The following CLRN3 variants were observed in gnomAD, a reference collection of about 807,000 sequenced individuals.
The protein encoded by CLRN3 is clarin-3.
CLRN3 carries 12 observed loss-of-function variants against 16.7 expected under a neutral mutation model. The ratio of observed to expected loss-of-function variants is 0.72; its 90% CI spans 0.46 to 1.16. The LOEUF (loss-of-function observed/expected upper bound fraction) is 1.16, where lower values mean the gene tolerates loss of function less well. Ranked by LOEUF, CLRN3 falls within the 50% of genes most tolerant of loss-of-function variation. The probability of loss-of-function intolerance (pLI) is 0.00; values close to 1 mark genes in which losing one functional copy is unlikely to be tolerated. For missense variants in CLRN3, 296 were observed against 274.2 expected (o/e 1.08, Z -0.56); for synonymous variants, 118 against 113.0 (o/e 1.04, Z -0.28).
Position 127,883,792 on chromosome 10 carries a change from G to A in CLRN3, c.313C>T (p.Leu105=). 1 of 1,614,144 alleles carries A rather than the reference G, an allele frequency of 6.2e-7. No homozygotes were observed. The highest frequency in any genetic ancestry group is 8.5e-7 in the Non-Finnish European group (1 of 1,179,966). The change falls in exon 2 of 3, where the codon CTG becomes TTG. Residue 105 remains leucine, a synonymous_variant. Coordinates refer to ENST00000368671, the MANE Select transcript of CLRN3 (RefSeq NM_152311.5). ...TAGAAGGTAAACCCAGAGCTCAGCA[G>A]CGACGTGATCAAACTCAGGACCAGG... ...LFLVLSLITS[L]LSSGFTFYNS...
intron 1 of CLRN3, among the ~76,000 whole-genome samples, chr10:127,886,533 G>C (rs76478447): frequency 0.086 from 13,143 of 152,252 alleles, 658 homozygotes; most frequent in Admixed American, 0.16. Flanking sequence ...GGTAACCCAA[G>C]GGTTCTGGCT....
At chr10:127,884,438 G>A (rs1845168259) in intron 1 of CLRN3, among the ~76,000 whole-genome samples, 3 of 152,212 alleles carry the variant, frequency 2.0e-5, no homozygotes, top group Admixed American at 2.0e-4. Context: ...ATAAGAAAAT[G>A]ACTTCTGTTG....
At chr10:127,887,043 A>T (rs1407253641) in intron 1 of CLRN3, among the ~76,000 whole-genome samples, 2 of 152,098 alleles carry the variant, frequency 1.3e-5, no homozygotes, top group African/African-American at 4.8e-5. Context: ...CTCAGGTGAA[A>T]TTTCTTGCCT....
chr10:127,878,838 G>T (rs1262671329), intron 2 of CLRN3, among the ~76,000 whole-genome samples: 1 of 152,182 alleles, frequency 6.6e-6, no homozygotes, highest in East Asian at 1.9e-4. Flanking sequence ...AAAAGACCCT[G>T]GGTGGGCAGT....
intron 2 of CLRN3, 101 bp from the exon 3 acceptor site, chr10:127,878,521 C>T: frequency 6.7e-7 from 1 of 1,487,116 alleles, no homozygotes; most frequent in Non-Finnish European, 9.0e-7. Flanking sequence ...TGCATATCTA[C>T]ACAGGAGTTT....
chr10:127,883,732 C>T lies in CLRN3; in HGVS notation c.373G>A (p.Gly125Arg). The change falls in exon 2 of 3, where the codon GGG becomes AGG. Residue 125 changes from glycine to arginine, a missense_variant. Transcript: ENST00000368671. ...SISNPYQTFLGPTGVYTWNGL... is the reference protein window; with the variant it reads ...SISNPYQTFLRPTGVYTWNGL... ...TTCCAGGTGTACACCCCCGTCGGCC[C>T]CAGGAATGTCTGGTAAGGGTTGCTG... is the stretch of plus-strand genomic sequence containing the variant. 6.2e-7 allele frequency: 1 copy of T among 1,613,908 alleles called. No homozygotes were observed. The highest frequency in any genetic ancestry group is 8.5e-7 in the Non-Finnish European group (1 of 1,179,910).
intron 1 of CLRN3, among the ~76,000 whole-genome samples, chr10:127,889,978 C>G (rs946663768): frequency 4.6e-5 from 7 of 152,222 alleles, no homozygotes; most frequent in African/African-American, 1.7e-4. Flanking sequence ...TCCAACTGGG[C>G]TTTGCAGACA....
chr10:127,885,669 C>G (rs1408991492), intron 1 of CLRN3, among the ~76,000 whole-genome samples: 2 of 152,142 alleles, frequency 1.3e-5, no homozygotes, highest in Admixed American at 1.3e-4. Flanking sequence ...CTTGATCTCC[C>G]GAGTTCAAGC....
At position 127,879,936 on chromosome 10, in the gene CLRN3, C is replaced by T. The variant is rs80187374; in HGVS notation, c.410-1516G>A. On this transcript the variant is annotated intron_variant, in intron 2 of 2. Coordinates refer to ENST00000368671, the MANE Select transcript of CLRN3 (RefSeq NM_152311.5). ...GGAAGCCCTTTGAGACTCCGTCTGC[C>T]GCCATGTACCCGGAACTCAGTGGAC... Among the ~76,000 whole-genome samples, 519 of 152,220 alleles carry T rather than the reference C, an allele frequency of 3.4e-3. 4 individuals are homozygous for T. In the East Asian group the frequency reaches 0.047, roughly 14 times the overall value.
chr10:127,881,399 T>C (rs895601042), intron 2 of CLRN3, among the ~76,000 whole-genome samples: 2 of 152,192 alleles, frequency 1.3e-5, no homozygotes, highest in African/African-American at 4.8e-5. Context: ...AGCAGAGATA[T>C]GGAGCCACAG....
intron 1 of CLRN3, among the ~76,000 whole-genome samples, chr10:127,892,286 T>C (rs1845265901): frequency 6.6e-6 from 1 of 152,230 alleles, no homozygotes; most frequent in Admixed American, 6.5e-5. Flanking sequence ...TATTTTTACT[T>C]ATTTACTTGT....
Position 127,878,379 on chromosome 10 carries a change from T to A in CLRN3, c.451A>T (p.Thr151Ser), listed in dbSNP as rs543052720. The A allele has an allele frequency of 1.2e-6, 2 of 1,614,242 alleles. No individual in the cohort carries two copies. The highest frequency in any genetic ancestry group is 1.1e-5 in the South Asian group (1 of 91,086). The change falls in exon 3 of 3, where the codon ACG becomes TCG. Residue 151 changes from threonine to serine, a missense_variant. Coordinates refer to ENST00000368671, the MANE Select transcript of CLRN3 (RefSeq NM_152311.5). Reference protein sequence around the residue: ...FVTMILFVANTQSNQLSEELF... With the variant: ...FVTMILFVANSQSNQLSEELF... ...TCTTCGGAGAGTTGGTTGGACTGCG[T>A]GTTCGCCACAAACAGTATCATGGTC...
At chr10:127,881,866 A>G (rs1031602904) in intron 2 of CLRN3, among the ~76,000 whole-genome samples, 11 of 152,230 alleles carry the variant, frequency 7.2e-5, no homozygotes, top group Non-Finnish European at 1.6e-4. Context: ...TGAGGATTTC[A>G]ATAGATGGAG....
intron 1 of CLRN3, among the ~76,000 whole-genome samples, chr10:127,885,149 TC>T (rs1845178905): frequency 1.3e-5 from 2 of 152,152 alleles, no homozygotes; most frequent in Non-Finnish European, 2.9e-5. Flanking sequence ...GGGGTGGTAT[TC>T]CCTCAGCATA....
Position 127,878,435 on chromosome 10 carries a change from G to A in CLRN3, c.410-15C>T. On this transcript the variant is annotated splice_polypyrimidine_tract_variant and intron_variant, in intron 2 of 2. Coordinates refer to ENST00000368671, the MANE Select transcript of CLRN3 (RefSeq NM_152311.5). ...AACGAAGGATGCTGAAAGGAAGATG[G>A]AGTTTCATGCATGGCATGGTGATAC... The A allele has an allele frequency of 6.2e-7, 1 of 1,612,662 alleles. No homozygotes were observed. The highest frequency in any genetic ancestry group is 1.3e-5 in the African/African-American group (1 of 75,034).
At chr10:127,892,478 G>A in intron 1 of CLRN3, 78 bp downstream of exon 1, 2 of 838,510 alleles carry the variant, frequency 2.4e-6, no homozygotes, top group Non-Finnish European at 4.0e-6. Flanking sequence ...TTTTTGAATG[G>A]TTATTTGGCC....
rs78331816 is a variant in CLRN3 at position 127,883,725 on chromosome 10, G to C, written c.380C>G (p.Thr127Arg). Residue 127 changes from threonine (T) to arginine (R), a missense_variant, in exon 2 of 3, where the codon ACG becomes AGG. Thr to Arg is a moderately conservative substitution (Grantham distance 71, BLOSUM62 -1). Transcript: ENST00000368671. ...SNPYQTFLGP[T>R]GVYTWNGLGA... ...GAGCCCGTTCCAGGTGTACACCCCC[G>C]TCGGCCCCAGGAATGTCTGGTAAGG... The C allele has an allele frequency of 3.1e-6, 5 of 1,613,648 alleles. No individual in the cohort carries two copies. The highest frequency in any genetic ancestry group is 4.2e-6 in the Non-Finnish European group (5 of 1,179,714).
intron 2 of CLRN3, among the ~76,000 whole-genome samples, chr10:127,881,268 G>A (rs556388294): frequency 2.0e-5 from 3 of 152,212 alleles, no homozygotes; most frequent in Non-Finnish European, 4.4e-5. Flanking sequence ...ACAATTCTTT[G>A]TGGATAGGAG....
rs1281113585 is a variant in CLRN3, at chr10:127,883,638, A to G, written c.409+58T>C. On this transcript the variant is annotated intron_variant, in intron 2 of 2. Transcript: ENST00000368671. Reference sequence around the variant, plus strand: ...TCATGCATGTGTGAGAGGCAGAGACATGGGGACAAGCGGGATGCAGTTTTC... The same window carrying G: ...TCATGCATGTGTGAGAGGCAGAGACGTGGGGACAAGCGGGATGCAGTTTTC... 5.7e-6 allele frequency: 7 copies of G among 1,226,260 alleles called. No homozygotes were observed. The South Asian group carries it at 6.0e-5, about 11-fold the overall frequency. The allele number at this position is 1,226,260 out of a possible 1,614,324, so 76.0% of individuals were successfully genotyped here.
Sources: gnomAD v4.1 joint callset for allele counts (sites outside exome capture counted in the v4.1 genomes callset) on GRCh38, gnomAD v4.1.1 for gene constraint, MANE v1.5 for transcripts, NCBI Gene and HGNC (gene_info 2026-07-23, HGNC 2026-07-21) for gene names.